The following ADAMTS18 variants were observed in gnomAD, a reference collection of about 807,000 sequenced individuals.
The protein encoded by ADAMTS18 is ADAM metallopeptidase with thrombospondin type 1 motif 18.
ADAMTS18 carries 157 observed loss-of-function variants against 165.9 expected under a neutral mutation model. That is an observed-to-expected ratio of 0.95 (90% CI 0.83 to 1.08). The LOEUF (loss-of-function observed/expected upper bound fraction) is 1.08, where lower values mean the gene tolerates loss of function less well. Among genes scored for constraint, ADAMTS18 ranks in the 50% least tolerant of loss-of-function variants. The pLI, the probability that ADAMTS18 is intolerant of heterozygous loss-of-function variation, is 0.00. For synonymous variants in ADAMTS18, 782 were observed against 578.2 expected (o/e 1.35, Z -5.06); for missense variants, 2,040 against 1,534.0 (o/e 1.33, Z -5.51).
At chr16:77,364,717 C>G (rs2056766898) in intron 4 of ADAMTS18, among the ~76,000 whole-genome samples, 1 of 141,792 alleles carries the variant, frequency 7.1e-6, no homozygotes, top group Non-Finnish European at 1.5e-5. Flanking sequence ...CTCAAAAATG[C>G]TCTAAAAGGA....
At chr16:77,387,371 G>C (rs555278890) in intron 3 of ADAMTS18, among the ~76,000 whole-genome samples, 1 of 152,236 alleles carries the variant, frequency 6.6e-6, no homozygotes, top group South Asian at 2.1e-4. Flanking sequence ...TCAGGTCATC[G>C]CTGTCACGGG....
At position 77,362,173 on chromosome 16, in the gene ADAMTS18, T is replaced by A; in HGVS notation, c.1148A>T (p.His383Leu). 1 of 1,614,128 alleles carries A rather than the reference T, an allele frequency of 6.2e-7. No individual in the cohort carries two copies. Among genetic ancestry groups the A allele is most frequent in the Non-Finnish European group, 8.5e-7 (1 of 1,179,984 alleles). ...SALIGKNGKR[H>L]DHAILLTGFD... The stretch of plus-strand genomic sequence containing the variant: ...TCCTGTTAGTAAGATGGCATGATCA[T>A]GTCTCTTGCCATTCTTTCCAATGAG... The change falls in exon 7 of 23, where the codon CAT (histidine) becomes CTT (leucine). Residue 383 changes from histidine (H) to leucine (L), a missense_variant. Coordinates refer to ENST00000282849, the MANE Select transcript of ADAMTS18 (RefSeq NM_199355.4).
At chr16:77,401,403 C>T (rs1346166135) in intron 3 of ADAMTS18, among the ~76,000 whole-genome samples, 1 of 152,140 alleles carries the variant, frequency 6.6e-6, no homozygotes, top group East Asian at 1.9e-4. Flanking sequence ...TTCATCATTC[C>T]TTTGAAATGG....
intron 4 of ADAMTS18, 85 bp downstream of exon 4, chr16:77,367,356 T>G (rs530162265): frequency 1.9e-6 from 3 of 1,545,330 alleles, no homozygotes; most frequent in Non-Finnish European, 2.7e-6. Flanking sequence ...CATTTTGACT[T>G]GCAAAGCTTG....
At chr16:77,383,971 A>C (rs1465920112) in intron 3 of ADAMTS18, among the ~76,000 whole-genome samples, 2 of 152,054 alleles carry the variant, frequency 1.3e-5, no homozygotes, top group African/African-American at 4.8e-5. Context: ...TTTTTCCCCC[A>C]TAACAGCCTT....
intron 3 of ADAMTS18, among the ~76,000 whole-genome samples, chr16:77,403,150 G>A: frequency 6.6e-6 from 1 of 152,290 alleles, no homozygotes; most frequent in Non-Finnish European, 1.5e-5. Flanking sequence ...GGCAACTGAT[G>A]CACAAAGAGG....
At chr16:77,348,229 A>T (rs1034458149) in intron 10 of ADAMTS18, among the ~76,000 whole-genome samples, 1 of 152,144 alleles carries the variant, frequency 6.6e-6, no homozygotes, top group African/African-American at 2.4e-5. Flanking sequence ...CTCTTCCACC[A>T]CTAGATAAAT....
At chr16:77,351,892 C>G (rs1394455301) in intron 10 of ADAMTS18, among the ~76,000 whole-genome samples, 1 of 152,026 alleles carries the variant, frequency 6.6e-6, no homozygotes, top group African/African-American at 2.4e-5. Flanking sequence ...GTGCCACTAG[C>G]CCAGCTAACT....
intron 12 of ADAMTS18, among the ~76,000 whole-genome samples, chr16:77,332,004 G>A (rs1048030257): frequency 1.3e-5 from 2 of 152,012 alleles, no homozygotes; most frequent in Admixed American, 6.6e-5. Flanking sequence ...AAATAGTTAC[G>A]CAATGCTAAT....
intron 16 of ADAMTS18, among the ~76,000 whole-genome samples, chr16:77,305,892 T>C (rs1367594159): frequency 6.6e-6 from 1 of 152,154 alleles, no homozygotes; most frequent in Non-Finnish European, 1.5e-5. Flanking sequence ...AACTTGAAAA[T>C]GATCATTCCC....
chr16:77,291,307 A>G lies in ADAMTS18; in HGVS notation c.3361T>C (p.Tyr1121His). Residue 1121 changes from tyrosine (Y) to histidine (H), a missense_variant, in exon 21 of 23, where the codon TAC (tyrosine) becomes CAC (histidine). Tyr to His is a moderately conservative substitution (Grantham distance 83). Coordinates refer to ENST00000282849, the MANE Select transcript of ADAMTS18 (RefSeq NM_199355.4). The stretch of plus-strand genomic sequence containing the variant: ...GAATACCATCCAGCTACCATGTTGT[A>G]CACTGGATGGGCTGGGCAAGCCCGT... ...NRRACPAHPV[Y>H]NMVAGWYSLP... is the part of the protein sequence containing the mutation. The G allele has an allele frequency of 1.2e-6, 2 of 1,614,230 alleles. No homozygotes were observed. Among genetic ancestry groups the G allele is most frequent in the Non-Finnish European group, 1.7e-6 (2 of 1,180,036 alleles).
At chr16:77,427,353 A>C (rs1217555920) in intron 3 of ADAMTS18, among the ~76,000 whole-genome samples, 3 of 152,240 alleles carry the variant, frequency 2.0e-5, no homozygotes, top group Non-Finnish European at 4.4e-5. Flanking sequence ...TTGGAAGACA[A>C]AATTAAGAAA....
intron 3 of ADAMTS18, among the ~76,000 whole-genome samples, chr16:77,425,956 G>T (rs998341074): frequency 6.6e-6 from 1 of 152,058 alleles, no homozygotes. Flanking sequence ...TGAGGCAGGA[G>T]AATTGCTTGA....
At chr16:77,419,552 G>T (rs980553006) in intron 3 of ADAMTS18, among the ~76,000 whole-genome samples, 1 of 152,100 alleles carries the variant, frequency 6.6e-6, no homozygotes, top group Non-Finnish European at 1.5e-5. Context: ...AATTTAAAGG[G>T]ATCACGTAAT....
intron 15 of ADAMTS18, 74 bp from the exon 16 acceptor site, chr16:77,320,167 A>C: frequency 6.3e-7 from 1 of 1,574,922 alleles, no homozygotes; most frequent in Non-Finnish European, 8.7e-7. Context: ...ATGGCCCGAC[A>C]TGTAGTGTTC....
intron 9 of ADAMTS18, among the ~76,000 whole-genome samples, chr16:77,355,415 G>C (rs866924): frequency 0.56 from 85,083 of 151,972 alleles, 24,318 homozygotes; most frequent in African/African-American, 0.6. Flanking sequence ...AATAGTCAAA[G>C]AAGAAAATGC....
intron 3 of ADAMTS18, among the ~76,000 whole-genome samples, chr16:77,407,463 G>A (rs11149987): frequency 0.21 from 32,163 of 151,844 alleles, 3,573 homozygotes; most frequent in Middle Eastern, 0.3. Flanking sequence ...GCAAACTAAC[G>A]CTAAAATGCA....
chr16:77,375,531 C>T (rs1057382280), intron 3 of ADAMTS18, among the ~76,000 whole-genome samples: 1 of 152,162 alleles, frequency 6.6e-6, no homozygotes, highest in Non-Finnish European at 1.5e-5. Context: ...GAAGTCCTCT[C>T]CTGGTCCACG....
intron 3 of ADAMTS18, among the ~76,000 whole-genome samples, chr16:77,381,470 G>A (rs1322397034): frequency 1.3e-5 from 2 of 152,264 alleles, no homozygotes; most frequent in East Asian, 3.9e-4. Flanking sequence ...GTAAACTCAG[G>A]TCATTCTCAG....
Sources: gnomAD v4.1 joint callset for allele counts (sites outside exome capture counted in the v4.1 genomes callset) on GRCh38, gnomAD v4.1.1 for gene constraint, MANE v1.5 for transcripts, NCBI Gene and HGNC (gene_info 2026-07-23, HGNC 2026-07-21) for gene names.